Variants in PCDH9 observed in about 807,000 individuals in gnomAD.
PCDH9 encodes protocadherin-9.
A neutral mutation model predicts 70.6 loss-of-function variants in PCDH9; 24 were observed. The observed-to-expected ratio is 0.34, with a 90% confidence interval of 0.25 to 0.48. The LOEUF is 0.48. PCDH9 is among the 20% of genes least tolerant of loss of function. The pLI is 0.99. For synonymous variants in PCDH9, 562 were observed against 558.5 expected, an observed-to-expected ratio of 1.01 and a Z score of -0.09; for missense variants, 1,281 against 1,503.6, an observed-to-expected ratio of 0.85 and a Z score of 2.45.
At chr13:66,620,027 GA>G (rs2077403562) in intron 4 of PCDH9, among the ~76,000 whole-genome samples, 1 of 152,024 alleles carries the variant, frequency 6.6e-6, no homozygotes, top group South Asian at 2.1e-4. Flanking sequence ...AAAATAAAAA[GA>G]GTTAATTCCT....
chr13:67,219,036 A>T (rs2089668642), intron 2 of PCDH9: 1 of 152,096 alleles, frequency 6.6e-6, no homozygotes, highest in African/African-American at 2.4e-5. Flanking sequence ...TTATATTTAT[A>T]TGCTATGCCT....
intron 3 of PCDH9, among the ~76,000 whole-genome samples, chr13:66,848,710 C>T (rs1350580834): frequency 1.1e-4 from 16 of 152,034 alleles, no homozygotes; most frequent in Middle Eastern, 3.4e-3. Context: ...GGGCGGATCA[C>T]GAGGTCATGA....
chr13:67,189,774 A>G (rs1472122993), intron 2 of PCDH9, among the ~76,000 whole-genome samples: 1 of 152,072 alleles, frequency 6.6e-6, no homozygotes, highest in Non-Finnish European at 1.5e-5. Flanking sequence ...GCCATTTGAC[A>G]ATCTGCAAAA....
intron 2 of PCDH9, chr13:67,206,631 G>A (rs1369849408): frequency 6.6e-6 from 1 of 152,204 alleles, no homozygotes; most frequent in African/African-American, 2.4e-5. Flanking sequence ...TTATATGCAT[G>A]TTTCTAAATA....
At chr13:67,153,429 C>G (rs2087712732) in intron 2 of PCDH9, among the ~76,000 whole-genome samples, 1 of 152,140 alleles carries the variant, frequency 6.6e-6, no homozygotes, top group Admixed American at 6.5e-5. Flanking sequence ...CTTGGCTTCC[C>G]AAGCGTGGGG....
Position 67,225,648 on chromosome 13 carries a change from G to C in PCDH9, c.2793C>G (p.Asn931Lys), listed in dbSNP as rs958161385. 1.7e-5 allele frequency: 27 copies of C among 1,614,020 alleles called. No homozygotes were observed. The highest frequency in any genetic ancestry group is 2.3e-5 in the Non-Finnish European group (27 of 1,180,006). ...GPAPPTTFKPNSPDLAKHYKS... is the reference protein window; with the variant it reads ...GPAPPTTFKPKSPDLAKHYKS... The stretch of plus-strand genomic sequence containing the variant: ...TGTAGTGCTTGGCCAGGTCAGGACT[G>C]TTAGGCTTGAATGTTGTTGGAGGTG... Residue 931 changes from asparagine (N) to lysine (K), a missense_variant, in exon 2 of 5, where the codon AAC (asparagine) becomes AAG (lysine). Around this residue, in one of 4 missense-constraint regions of PCDH9, gnomAD observed 207 missense variants for 191.8 expected, o/e 1.08. Transcript: ENST00000377865.
At chr13:66,520,315 C>T (rs1380822768) in intron 4 of PCDH9, among the ~76,000 whole-genome samples, 2 of 152,112 alleles carry the variant, frequency 1.3e-5, no homozygotes, top group Non-Finnish European at 2.9e-5. Context: ...TCAGCATTGT[C>T]CCGAAACTCC....
chr13:66,479,869 G>A (rs923664440), intron 4 of PCDH9, among the ~76,000 whole-genome samples: 12 of 152,162 alleles, frequency 7.9e-5, no homozygotes, highest in Admixed American at 3.3e-4. Flanking sequence ...TCAGCAGGAC[G>A]TGGGCAGGGA....
Position 66,917,774 on chromosome 13 carries a change from C to T in PCDH9, c.3037-14169G>A, listed in dbSNP as rs537028061. On this transcript the variant is annotated intron_variant, in intron 2 of 4. Coordinates refer to ENST00000377865, the MANE Select transcript of PCDH9 (RefSeq NM_203487.3). ...CTCCTTATTAATATAAACAGTTCTG[C>T]AAGTTTAAGGTGTCATGTTTTCATT... Among the ~76,000 whole-genome samples the T allele has an allele frequency of 3.4e-4, 51 of 151,494 alleles. 1 individual carries two copies. Among genetic ancestry groups the T allele is most frequent in the Admixed American group, 3.0e-3 (46 of 15,128 alleles).
At chr13:66,523,407 A>G (rs201863335) in intron 4 of PCDH9, among the ~76,000 whole-genome samples, 1 of 152,078 alleles carries the variant, frequency 6.6e-6, no homozygotes, top group East Asian at 1.9e-4. Context: ...AAGGAAGATA[A>G]TATGAGAAAA....
At chr13:66,603,429 C>T (rs2077186076) in intron 4 of PCDH9, among the ~76,000 whole-genome samples, 3 of 151,802 alleles carry the variant, frequency 2.0e-5, no homozygotes, top group African/African-American at 7.3e-5. Flanking sequence ...TTATATTCTA[C>T]CAAATAGTTT....
intron 2 of PCDH9, among the ~76,000 whole-genome samples, chr13:66,998,193 G>T (rs897245013): frequency 3.3e-5 from 5 of 152,204 alleles, no homozygotes; most frequent in African/African-American, 1.2e-4. Flanking sequence ...AAGAGAATGT[G>T]CCAGGGCCCG....
At chr13:66,468,470 G>C (rs1258046052) in intron 4 of PCDH9, among the ~76,000 whole-genome samples, 1 of 152,102 alleles carries the variant, frequency 6.6e-6, no homozygotes, top group Non-Finnish European at 1.5e-5. Flanking sequence ...GAAACTGTTA[G>C]AATTGTCCCA....
chr13:66,462,598 C>T (rs1958445956), intron 4 of PCDH9, among the ~76,000 whole-genome samples: 1 of 151,772 alleles, frequency 6.6e-6, no homozygotes, highest in African/African-American at 2.4e-5. Context: ...GAGATTGTGA[C>T]TTACTTGGTC....
At chr13:66,983,796 CTAGTACCCAATCGTTTTTTTTGTTTTTT>C (rs2083828094) in intron 2 of PCDH9, among the ~76,000 whole-genome samples, 1 of 151,728 alleles carries the variant, frequency 6.6e-6, no homozygotes, top group South Asian at 2.1e-4. Flanking sequence ...GGTGCTAAGC[CTAGTACCCAATCGTTTTTTTTGTTTTTT>C]TTTGTTTTTG....
chr13:66,620,922 A>G (rs1437055651), intron 4 of PCDH9, among the ~76,000 whole-genome samples: 1 of 152,208 alleles, frequency 6.6e-6, no homozygotes, highest in East Asian at 1.9e-4. Flanking sequence ...AACCTAACGT[A>G]CTACCTAGTA....
At chr13:66,917,689 T>C (rs1352138966) in intron 2 of PCDH9, among the ~76,000 whole-genome samples, 1 of 151,430 alleles carries the variant, frequency 6.6e-6, no homozygotes, top group African/African-American at 2.4e-5. Context: ...CTTTTAAATC[T>C]ACTAAAAGAT....
chr13:66,654,575 T>C (rs116395992), intron 3 of PCDH9, among the ~76,000 whole-genome samples: 2,348 of 152,292 alleles, frequency 0.015, 77 homozygotes, highest in African/African-American at 0.053. Flanking sequence ...CAAAATCTTA[T>C]GTACCCTATA....
At chr13:66,396,320 A>T (rs1210608039) in intron 4 of PCDH9, among the ~76,000 whole-genome samples, 1 of 152,184 alleles carries the variant, frequency 6.6e-6, no homozygotes, top group Non-Finnish European at 1.5e-5. Flanking sequence ...TAAAACGTAA[A>T]TTGCTCAAAG....
Sources: gnomAD v4.1 joint callset for allele counts (sites outside exome capture counted in the v4.1 genomes callset) on GRCh38, gnomAD v4.1.1 for gene constraint, gnomAD v4.1.1 regional missense constraint, MANE v1.5 for transcripts, NCBI Gene and HGNC (gene_info 2026-07-23, HGNC 2026-07-21) for gene names.